The following ST6GALNAC3 variants were observed in gnomAD, a reference collection of about 807,000 sequenced individuals.
The protein encoded by ST6GALNAC3 is ST6 N-acetylgalactosaminide alpha-2,6-sialyltransferase 3.
Under a neutral mutation model 32.7 loss-of-function variants are expected in ST6GALNAC3, and 25 were observed. That is an observed-to-expected ratio of 0.76 (90% CI 0.56 to 1.07). The LOEUF (loss-of-function observed/expected upper bound fraction) is 1.07. Among genes scored for constraint, ST6GALNAC3 ranks in the 50% least tolerant of loss-of-function variants. ST6GALNAC3 has a pLI of 0.00. For missense variants in ST6GALNAC3, 355 were observed against 382.4 expected (o/e 0.93, Z 0.60); for synonymous variants, 129 against 133.1 (o/e 0.97, Z 0.21).
At chr1:76,202,267 CATGTGTGTGT>C (rs1158226348) in intron 1 of ST6GALNAC3, among the ~76,000 whole-genome samples, 1 of 96,798 alleles carries the variant, frequency 1.0e-5, no homozygotes, top group African/African-American at 3.7e-5. Context: ...TGTGTGCATG[CATGTGTGTGT>C]GTGTGTGTGT....
At position 76,380,307 on chromosome 1, in the gene ST6GALNAC3, A is replaced by C. The variant is rs551054270; in HGVS notation, c.214-31701A>C. ...AGAATAACTAAACAAAAAATGATGG[A>C]TCAAACCAAGTGTTGGCCAGGATAT... On this transcript the variant is annotated intron_variant, in intron 2 of 4. Transcript: ENST00000328299. 3.9e-5 allele frequency among the ~76,000 whole-genome samples: 6 copies of C among 152,334 alleles called. No individual in the cohort carries two copies. The South Asian group carries it at 1.2e-3, about 32-fold the overall frequency.
chr1:76,097,417 G>T (rs1361894756), intron 1 of ST6GALNAC3, among the ~76,000 whole-genome samples: 4 of 152,078 alleles, frequency 2.6e-5, no homozygotes, highest in Non-Finnish European at 5.9e-5. Context: ...ATTTTATAAG[G>T]GGCTTTCCCC....
At chr1:76,564,795 G>A (rs956204427) in intron 3 of ST6GALNAC3, among the ~76,000 whole-genome samples, 2 of 151,998 alleles carry the variant, frequency 1.3e-5, no homozygotes, top group Non-Finnish European at 2.9e-5. Flanking sequence ...CCGTTAGCCA[G>A]GATGGTCTCG....
intron 3 of ST6GALNAC3, among the ~76,000 whole-genome samples, chr1:76,523,503 A>T (rs533736304): frequency 6.6e-6 from 1 of 152,310 alleles, no homozygotes; most frequent in East Asian, 1.9e-4. Context: ...TGCCAGGCAG[A>T]TAGAGAGGCT....
In ST6GALNAC3 at chr1:76,495,966, T is replaced by C. The variant is rs1391071725; in HGVS notation, c.623+83549T>C. Among the ~76,000 whole-genome samples the C allele has an allele frequency of 4.6e-5, 7 of 152,330 alleles. No individual in the cohort carries two copies. In the South Asian group the frequency reaches 1.4e-3, roughly 32 times the overall value. On this transcript the variant is annotated intron_variant, in intron 3 of 4. Coordinates refer to ENST00000328299, the MANE Select transcript of ST6GALNAC3 (RefSeq NM_152996.4). ...AAGCTGGGCAATCTGGGCAAACCAATTAACCACTCTGGGCTTTGGTTTCCT... is the reference window on the plus strand; with the variant it reads ...AAGCTGGGCAATCTGGGCAAACCAACTAACCACTCTGGGCTTTGGTTTCCT...
intron 3 of ST6GALNAC3, among the ~76,000 whole-genome samples, chr1:76,598,772 G>A (rs1309103218): frequency 6.6e-6 from 1 of 151,730 alleles, no homozygotes; most frequent in East Asian, 1.9e-4. Flanking sequence ...CCGTTAGACA[G>A]AAAGAAAATG....
chr1:76,416,906 G>C (rs1056811632), intron 3 of ST6GALNAC3, among the ~76,000 whole-genome samples: 18 of 152,000 alleles, frequency 1.2e-4, no homozygotes, highest in African/African-American at 1.2e-4. Context: ...GATTACAGGC[G>C]TGAGCCACCA....
intron 3 of ST6GALNAC3, among the ~76,000 whole-genome samples, chr1:76,535,814 A>T (rs1345103172): frequency 6.7e-6 from 1 of 150,104 alleles, no homozygotes; most frequent in Non-Finnish European, 1.5e-5. Context: ...CTATAAGGCT[A>T]TTTTTTTTTT....
chr1:76,473,203 T>A (rs1183435181), intron 3 of ST6GALNAC3, among the ~76,000 whole-genome samples: 1 of 151,798 alleles, frequency 6.6e-6, no homozygotes, highest in African/African-American at 2.4e-5. Flanking sequence ...GGTTTCAGAG[T>A]GAGGAATAGA....
intron 3 of ST6GALNAC3, among the ~76,000 whole-genome samples, chr1:76,429,546 A>C (rs1038947384): frequency 6.6e-6 from 1 of 152,080 alleles, no homozygotes; most frequent in African/African-American, 2.4e-5. Context: ...TTATTTTTCC[A>C]TCATTTAGAA....
At chr1:76,384,708 A>T (rs1195414658) in intron 2 of ST6GALNAC3, among the ~76,000 whole-genome samples, 2 of 152,152 alleles carry the variant, frequency 1.3e-5, no homozygotes, top group African/African-American at 4.8e-5. Flanking sequence ...GAGTGGAAAT[A>T]AGCCATAAAT....
intron 3 of ST6GALNAC3, among the ~76,000 whole-genome samples, chr1:76,546,969 T>C (rs932796127): frequency 6.6e-6 from 1 of 152,100 alleles, no homozygotes. Flanking sequence ...ATTAAAAGGA[T>C]TGGATAGCTG....
At chr1:76,584,099 G>C (rs771649822) in intron 3 of ST6GALNAC3, among the ~76,000 whole-genome samples, 3 of 152,184 alleles carry the variant, frequency 2.0e-5, no homozygotes, top group Non-Finnish European at 4.4e-5. Context: ...ACAAACCTAT[G>C]AGGTAGTTGC....
At chr1:76,152,467 G>T (rs1651106338) in intron 1 of ST6GALNAC3, among the ~76,000 whole-genome samples, 1 of 152,214 alleles carries the variant, frequency 6.6e-6, no homozygotes, top group South Asian at 2.1e-4. Flanking sequence ...TGATGAAAGG[G>T]TCTGGATTAT....
intron 3 of ST6GALNAC3, among the ~76,000 whole-genome samples, chr1:76,567,230 C>T (rs534791794): frequency 1.1e-4 from 17 of 152,154 alleles, no homozygotes; most frequent in South Asian, 6.2e-4. Flanking sequence ...TGATGTTGCA[C>T]GGTATCATAA....
At chr1:76,159,892 A>G (rs890020273) in intron 1 of ST6GALNAC3, among the ~76,000 whole-genome samples, 2 of 152,170 alleles carry the variant, frequency 1.3e-5, no homozygotes, top group Non-Finnish European at 2.9e-5. Flanking sequence ...CATTTCACAG[A>G]TGGGGAAACT....
chr1:76,326,272 G>A (rs1473099734), intron 2 of ST6GALNAC3, among the ~76,000 whole-genome samples: 2 of 152,078 alleles, frequency 1.3e-5, no homozygotes, highest in Non-Finnish European at 2.9e-5. Context: ...GCAAGCTTCT[G>A]GTGGCCTCAC....
intron 3 of ST6GALNAC3, among the ~76,000 whole-genome samples, chr1:76,508,154 A>C (rs1193085831): frequency 1.3e-5 from 2 of 151,938 alleles, no homozygotes; most frequent in Non-Finnish European, 2.9e-5. Context: ...TGGAAGAAAA[A>C]TTTTCCATGA....
chr1:76,093,534 G>A (rs946561718), intron 1 of ST6GALNAC3, among the ~76,000 whole-genome samples: 4 of 152,202 alleles, frequency 2.6e-5, no homozygotes, highest in African/African-American at 7.2e-5. Context: ...GTGTGGTCAC[G>A]AAAGGAATCA....
Sources: gnomAD v4.1 joint callset for allele counts (sites outside exome capture counted in the v4.1 genomes callset) on GRCh38, gnomAD v4.1.1 for gene constraint, MANE v1.5 for transcripts, NCBI Gene and HGNC (gene_info 2026-07-23, HGNC 2026-07-21) for gene names.